RPL34: variants seen among roughly 807,000 people sequenced by gnomAD.
The protein encoded by RPL34 is ribosomal protein L34.
Under a neutral mutation model 16.3 loss-of-function variants are expected in RPL34, and 2 were observed. The ratio of observed to expected loss-of-function variants is 0.12; its 90% CI spans 0.05 to 0.39. The LOEUF is 0.39. Ranked by LOEUF, RPL34 falls within the 10% of genes least tolerant of loss-of-function variation. RPL34 has a pLI of 0.99. For synonymous variants in RPL34, 47 were observed against 48.5 expected, an observed-to-expected ratio of 0.97 and a Z score of 0.13; for missense variants, 82 against 148.8, an observed-to-expected ratio of 0.55 and a Z score of 2.33.
chr4:108,624,550 T>A (rs1358247230), intron 4 of RPL34, among the ~76,000 whole-genome samples: 1 of 152,184 alleles, frequency 6.6e-6, no homozygotes, highest in African/African-American at 2.4e-5. Flanking sequence ...TAGAAAATCT[T>A]TCCAAATTTA....
chr4:108,623,821 A>G lies in RPL34; in HGVS notation c.269+1203A>G, dbSNP rs571061631. On this transcript the variant is annotated intron_variant, in intron 4 of 4. Transcript: ENST00000394667. The stretch of plus-strand genomic sequence containing the variant: ...TACTACATTAATACAAATAGGGGAT[A>G]AATATAGCTTCTGTGATACACAGCA... 5.3e-5 allele frequency among the ~76,000 whole-genome samples: 8 copies of G among 152,334 alleles called. No homozygotes were observed. The South Asian group carries it at 1.7e-3, about 32-fold the overall frequency.
downstream of RPL34, among the ~76,000 whole-genome samples, chr4:108,629,768 T>C (rs1726120116): frequency 6.6e-6 from 1 of 152,232 alleles, no homozygotes; most frequent in African/African-American, 2.4e-5. Context: ...AATGTTTAAG[T>C]AAGCAAATCA....
chr4:108,627,792 G>A (rs1468843615), downstream of RPL34, among the ~76,000 whole-genome samples: 2 of 151,748 alleles, frequency 1.3e-5, no homozygotes, highest in African/African-American at 4.8e-5. Context: ...AACCTGTGAG[G>A]CAGAGGTTGC....
At chr4:108,627,097 G>T (rs1225172073), downstream of RPL34, among the ~76,000 whole-genome samples, 18 of 152,120 alleles carry the variant, frequency 1.2e-4, no homozygotes, top group Admixed American at 1.1e-3. Flanking sequence ...AAACTAGCTG[G>T]GCGTGGTGGT....
intron 3 of RPL34, 32 bp downstream of exon 3, chr4:108,622,236 C>A: frequency 2.1e-6 from 3 of 1,452,836 alleles, no homozygotes; most frequent in Non-Finnish European, 2.9e-6. Context: ...TGCAGCCTAA[C>A]AAGTCTTGAA....
intron 4 of RPL34, among the ~76,000 whole-genome samples, chr4:108,623,680 A>G (rs1211823829): frequency 6.6e-6 from 1 of 152,200 alleles, no homozygotes; most frequent in African/African-American, 2.4e-5. Context: ...TGCTGGGAAT[A>G]CAGGTATAAG....
At chr4:108,623,989 G>A (rs1458957315) in intron 4 of RPL34, among the ~76,000 whole-genome samples, 2 of 152,208 alleles carry the variant, frequency 1.3e-5, no homozygotes, top group Non-Finnish European at 2.9e-5. Context: ...GGACTGATCT[G>A]GCACATTGTG....
At chr4:108,621,046 G>A (rs1355126271) in intron 1 of RPL34, 1 of 152,230 alleles carries the variant, frequency 6.6e-6, no homozygotes, top group East Asian at 1.9e-4. Context: ...AGAGAAAAAT[G>A]TGTTAGAAGT....
chr4:108,625,019 G>C (rs547843705), intron 4 of RPL34, 109 bp from the exon 5 acceptor site: 1 of 694,070 alleles, frequency 1.4e-6, no homozygotes, highest in African/African-American at 1.8e-5. Context: ...TAGTTTCCTG[G>C]GTTCCCTGAT....
intron 2 of RPL34, 34 bp downstream of exon 2, chr4:108,622,058 T>C: frequency 6.3e-7 from 1 of 1,593,354 alleles, no homozygotes; most frequent in Non-Finnish European, 8.6e-7. Context: ...GTATATATTG[T>C]CATTTACTCT....
chr4:108,624,367 C>T (rs1725907355), intron 4 of RPL34, among the ~76,000 whole-genome samples: 1 of 151,974 alleles, frequency 6.6e-6, no homozygotes, highest in Admixed American at 6.6e-5. Context: ...ACCAGGTTTA[C>T]CAATGGGAAA....
At chr4:108,627,081 TACAAAAAACTA>T (rs1726034866), downstream of RPL34, among the ~76,000 whole-genome samples, 1 of 151,944 alleles carries the variant, frequency 6.6e-6, no homozygotes, top group South Asian at 2.1e-4. Context: ...GTACTAAAAA[TACAAAAAACTA>T]GCTGGGCGTG....
intron 3 of RPL34, 74 bp downstream of exon 3, chr4:108,622,278 T>G (rs1725816108): frequency 8.9e-7 from 1 of 1,118,820 alleles, no homozygotes; most frequent in Non-Finnish European, 1.3e-6. Context: ...GACGATGGAA[T>G]GAATCAAGGA....
chr4:108,626,650 G>A (rs1280388449), downstream of RPL34, among the ~76,000 whole-genome samples: 2 of 151,996 alleles, frequency 1.3e-5, no homozygotes, highest in African/African-American at 2.4e-5. Flanking sequence ...TATTGGCCAG[G>A]TTCATCTTGA....
downstream of RPL34, among the ~76,000 whole-genome samples, chr4:108,629,183 A>G (rs1040131179): frequency 2.0e-5 from 3 of 152,170 alleles, no homozygotes; most frequent in Non-Finnish European, 2.9e-5. Context: ...AATAAAATAG[A>G]CATTTTAAGT....
chr4:108,621,770 C>T (rs772902337), intron 1 of RPL34, 181 bp from the exon 2 acceptor site: 3 of 546,678 alleles, frequency 5.5e-6, no homozygotes, highest in Admixed American at 6.1e-5. Context: ...ACATTCTTGG[C>T]CTCTTGTTTA....
At chr4:108,629,936 A>G (rs1335398746), downstream of RPL34, 2 of 152,228 alleles carry the variant, frequency 1.3e-5, no homozygotes, top group African/African-American at 4.8e-5. Flanking sequence ...CTCACAGAGT[A>G]AGATTGTGAA....
downstream of RPL34, among the ~76,000 whole-genome samples, chr4:108,629,746 A>G (rs1726119543): frequency 6.6e-6 from 1 of 152,236 alleles, no homozygotes; most frequent in Admixed American, 6.5e-5. Flanking sequence ...CCTTAAAAAT[A>G]TAAAATCTCC....
At chr4:108,625,022 T>A in intron 4 of RPL34, 106 bp from the exon 5 acceptor site, 1 of 709,002 alleles carries the variant, frequency 1.4e-6, no homozygotes, top group Non-Finnish European at 2.5e-6. Context: ...TTTCCTGGGT[T>A]CCCTGATTGC....
Sources: allele counts gnomAD v4.1 joint callset (sites outside exome capture counted in the v4.1 genomes callset), GRCh38; gene constraint gnomAD v4.1.1; transcripts MANE v1.5; gene names NCBI Gene and HGNC (gene_info 2026-07-23, HGNC 2026-07-21).